EXTL3: variants seen among roughly 807,000 people sequenced by gnomAD.
The protein encoded by EXTL3 is exostosin-like 3.
Under a neutral mutation model 69.3 loss-of-function variants are expected in EXTL3, and 27 were observed. The observed-to-expected ratio is 0.39, with a 90% CI of 0.29 to 0.54. The LOEUF (loss-of-function observed/expected upper bound fraction) is 0.54, where lower values mean the gene tolerates loss of function less well. EXTL3 is among the 20% of genes least tolerant of loss of function. The probability of loss-of-function intolerance (pLI) is 0.69; values close to 1 mark genes in which losing one functional copy is unlikely to be tolerated. For missense variants in EXTL3, 1,003 were observed against 1,231.8 expected (o/e 0.81, Z 2.78); for synonymous variants, 511 against 499.4 (o/e 1.02, Z -0.31).
rs546881453 is a variant in EXTL3, at chr8:28,674,033, A to G, written c.-52-39424A>G. ...GTTGGATACTCCTAATCAACCAACT[A>G]TAGAATCAATGAGCTCAGTAATGTT... On this transcript the variant is annotated intron_variant, in intron 1 of 6. Coordinates refer to the EXTL3 transcript ENST00000523149. Among the ~76,000 whole-genome samples the G allele has an allele frequency of 2.0e-5, 3 of 152,266 alleles. No individual in the cohort carries two copies. The East Asian group carries it at 5.8e-4, about 29-fold the overall frequency.
chr8:28,731,317 A>C lies in EXTL3; in HGVS notation c.2243A>C (p.His748Pro), dbSNP rs1340727544. The change falls in exon 4 of 7, where the codon CAC (histidine) becomes CCC (proline). Residue 748 changes from histidine (H) to proline (P), a missense_variant. His to Pro is a moderately conservative substitution (Grantham distance 77). This residue lies in a region of EXTL3 where 261 missense variants were observed against 416.4 expected (regional missense o/e 0.63). Transcript: ENST00000220562. ...ATCCTGTCCATTGATGACGATGCTC[A>C]CCTCCGCCATGACGAAATCATGTTT... is the stretch of plus-strand genomic sequence containing the variant. ...EAILSIDDDA[H>P]LRHDEIMFGF... is the part of the protein sequence containing the mutation. 1 of 1,614,206 alleles carries C rather than the reference A, an allele frequency of 6.2e-7. No homozygotes were observed. The highest frequency in any genetic ancestry group is 8.5e-7 in the Non-Finnish European group (1 of 1,180,026).
chr8:28,727,653 G>T (rs566290275), intron 3 of EXTL3, among the ~76,000 whole-genome samples: 96 of 152,330 alleles, frequency 6.3e-4, no homozygotes, highest in African/African-American at 2.1e-3. Context: ...ATTTAGCAGA[G>T]AGGGTGCTGG....
At chr8:28,681,787 C>T (rs1585248573) in intron 1 of EXTL3, among the ~76,000 whole-genome samples, 1 of 152,144 alleles carries the variant, frequency 6.6e-6, no homozygotes, top group African/African-American at 2.4e-5. Context: ...GGCATGGTAG[C>T]TCACGCCTGT....
At chr8:28,639,962 T>C in intron 1 of EXTL3, among the ~76,000 whole-genome samples, 1 of 152,292 alleles carries the variant, frequency 6.6e-6, no homozygotes, top group East Asian at 1.9e-4. Context: ...TAGCCAAGTG[T>C]GGTGGTGCAT....
At chr8:28,653,201 G>A (rs956413051) in intron 1 of EXTL3, among the ~76,000 whole-genome samples, 1 of 151,964 alleles carries the variant, frequency 6.6e-6, no homozygotes, top group Admixed American at 6.6e-5. Flanking sequence ...CCCTCCCTTT[G>A]CACATTTTAA....
intron 3 of EXTL3, among the ~76,000 whole-genome samples, chr8:28,720,245 C>T (rs566422169): frequency 6.6e-6 from 1 of 152,248 alleles, no homozygotes; most frequent in African/African-American, 2.4e-5. Context: ...TGTGATACAC[C>T]TCAGAGTGGG....
At chr8:28,638,938 A>G (rs1425201423) in intron 1 of EXTL3, among the ~76,000 whole-genome samples, 1 of 136,214 alleles carries the variant, frequency 7.3e-6, no homozygotes, top group East Asian at 2.1e-4. Context: ...GCTAGGAATA[A>G]TTTTTTTTTT....
chr8:28,755,718 C>G (rs1802108598), downstream of EXTL3: 5 of 152,178 alleles, frequency 3.3e-5, no homozygotes, highest in Admixed American at 2.0e-4. Flanking sequence ...CCATTGCACT[C>G]TAGCCTGGGC....
chr8:28,725,319 C>G (rs556946051), intron 3 of EXTL3, among the ~76,000 whole-genome samples: 1 of 151,914 alleles, frequency 6.6e-6, no homozygotes, highest in Non-Finnish European at 1.5e-5. Context: ...GAAGAGCTAG[C>G]GAGGCACCGT....
chr8:28,621,415 C>A (rs576851816), upstream of EXTL3, among the ~76,000 whole-genome samples: 53 of 152,324 alleles, frequency 3.5e-4, no homozygotes, highest in South Asian at 2.3e-3. Context: ...GGAACCAACA[C>A]TGCCCACACC....
intron 6 of EXTL3, among the ~76,000 whole-genome samples, chr8:28,743,660 C>G (rs1801824596): frequency 6.6e-6 from 1 of 152,192 alleles, no homozygotes. Flanking sequence ...CAGTTACTCC[C>G]TTTCCCCTAG....
intron 1 of EXTL3, among the ~76,000 whole-genome samples, chr8:28,638,684 T>G (rs760359758): frequency 2.0e-5 from 3 of 152,188 alleles, no homozygotes; most frequent in African/African-American, 4.8e-5. Flanking sequence ...CAGGCTAGAG[T>G]GCAGTGGTGC....
intron 3 of EXTL3, among the ~76,000 whole-genome samples, chr8:28,725,117 T>C (rs1801385912): frequency 6.6e-6 from 1 of 152,164 alleles, no homozygotes; most frequent in Admixed American, 6.5e-5. Flanking sequence ...AGGGATGTAT[T>C]ATGTACGTAT....
At chr8:28,738,651 GC>G (rs1159677079) in intron 5 of EXTL3, among the ~76,000 whole-genome samples, 2 of 152,166 alleles carry the variant, frequency 1.3e-5, no homozygotes, top group African/African-American at 4.8e-5. Flanking sequence ...CCTCTTCTGT[GC>G]CCTGAGTCTT....
intron 2 of EXTL3, among the ~76,000 whole-genome samples, chr8:28,715,326 T>A (rs2130733290): frequency 6.6e-6 from 1 of 152,342 alleles, no homozygotes; most frequent in Admixed American, 6.5e-5. Context: ...AATGCCGCTC[T>A]AGATCCAGTT....
chr8:28,688,218 C>T (rs984935362), intron 1 of EXTL3, among the ~76,000 whole-genome samples: 2 of 152,076 alleles, frequency 1.3e-5, no homozygotes, highest in Admixed American at 6.6e-5. Context: ...CCTGCCACCA[C>T]ACCTGGCTAA....
rs1429916369 is a variant in EXTL3 at position 28,754,513 on chromosome 8, G to A, written c.*3647G>A. 1 of 152,376 alleles carries A rather than the reference G, an allele frequency of 6.6e-6. No individual in the cohort carries two copies. The highest frequency in any genetic ancestry group is 1.5e-5 in the Non-Finnish European group (1 of 68,138). 9.4% of individuals were successfully genotyped at this position (152,376 alleles called of 1,614,324 possible). Reference sequence around the variant, plus strand: ...TCGAGGGGCATTCCTCTTTGGGTCTGGAGTTTTGGCTGTCAAGCTCCTGTT... The same window carrying A: ...TCGAGGGGCATTCCTCTTTGGGTCTAGAGTTTTGGCTGTCAAGCTCCTGTT... On this transcript the variant is annotated 3_prime_UTR_variant, in exon 7 of 7. Transcript: ENST00000220562.
intron 3 of EXTL3, among the ~76,000 whole-genome samples, chr8:28,720,364 G>A (rs1420603666): frequency 6.6e-6 from 1 of 152,058 alleles, no homozygotes; most frequent in Non-Finnish European, 1.5e-5. Flanking sequence ...AGGAACCTCC[G>A]TGCCATTTCA....
Position 28,717,466 on chromosome 8 carries a change from G to C in EXTL3, c.1407G>C (p.Gln469His), listed in dbSNP as rs144287444. ...CGGTGGTGCTGGGGGAGCAGGTCCA[G>C]CTTCCCTACCAGGACATGCTGCAGT... ...AVPVVLGEQV[Q>H]LPYQDMLQWN... is the part of the protein sequence containing the mutation. Residue 469 changes from glutamine (Q) to histidine (H), a missense_variant, in exon 3 of 7, where the codon CAG becomes CAC. Coordinates refer to ENST00000220562, the MANE Select transcript of EXTL3 (RefSeq NM_001440.4). This position sits in a 1 kb window ranked among gnomAD's most constrained non-coding sequence, Gnocchi z 8.3. The C allele has an allele frequency of 3.7e-6, 6 of 1,614,096 alleles. No homozygotes were observed. In the African/African-American group the frequency reaches 8.0e-5, roughly 22 times the overall value.
Sources: allele counts gnomAD v4.1 joint callset (sites outside exome capture counted in the v4.1 genomes callset), GRCh38; gene constraint gnomAD v4.1.1; regional missense constraint gnomAD v4.1.1; non-coding constraint Gnocchi (gnomAD v3.1); transcripts MANE v1.5; gene names NCBI Gene and HGNC (gene_info 2026-07-23, HGNC 2026-07-21).